The following SMG1 variants were observed in gnomAD, a reference collection of about 807,000 sequenced individuals.
SMG1 encodes the protein SMG1 nonsense mediated mRNA decay associated PI3K related kinase.
In SMG1, 22 loss-of-function variants were observed where a neutral mutation model predicts 419.9. That is an observed-to-expected ratio of 0.05 (90% CI 0.04 to 0.07). The LOEUF (loss-of-function observed/expected upper bound fraction) is 0.07. SMG1 is among the 10% of genes least tolerant of loss of function. SMG1 has a pLI of 1.00. For synonymous variants in SMG1, 1,538 were observed against 1,553.5 expected, an observed-to-expected ratio of 0.99 and a Z score of 0.23; for missense variants, 3,185 against 4,342.0, an observed-to-expected ratio of 0.73 and a Z score of 7.49.
chr16:18,887,729 C>A (rs1339813945), intron 6 of SMG1, among the ~76,000 whole-genome samples: 13 of 49,582 alleles, frequency 2.6e-4, no homozygotes, highest in Admixed American at 5.3e-4. Context: ...ATTTTTTAAA[C>A]TACATACCCA....
At chr16:18,910,234 T>G (rs2037739668) in intron 1 of SMG1, among the ~76,000 whole-genome samples, 1 of 143,172 alleles carries the variant, frequency 7.0e-6, no homozygotes, top group African/African-American at 2.7e-5. Flanking sequence ...GCCCAGCTAT[T>G]TTTTTTTTTT....
In SMG1 at chr16:18,868,393, A is replaced by G. The variant is rs1257304042; in HGVS notation, c.3031-39T>C. ...GAAAGAAAAGCTCAGGACTGGTTCA[A>G]TTTGTAGGTAAGGATGTCTCACCTA... On this transcript the variant is annotated intron_variant, in intron 21 of 62. Coordinates refer to ENST00000446231, the MANE Select transcript of SMG1 (RefSeq NM_015092.5). 6 of 1,200,448 alleles carry G rather than the reference A, an allele frequency of 5.0e-6. No homozygotes were observed. In the Admixed American group the frequency reaches 1.0e-4, roughly 20 times the overall value. 74.4% of individuals were successfully genotyped at this position (1,200,448 alleles called of 1,614,324 possible). A position where few individuals can be genotyped will look rare whatever the true frequency, so the allele number is the denominator to read the frequency against.
intron 1 of SMG1, among the ~76,000 whole-genome samples, chr16:18,900,923 A>C (rs1251842306): frequency 6.6e-6 from 1 of 152,180 alleles, no homozygotes; most frequent in Non-Finnish European, 1.5e-5. Context: ...AATAAGAGAA[A>C]GGGTGAAACT....
intron 1 of SMG1, among the ~76,000 whole-genome samples, chr16:18,899,610 A>ATCAT (rs1479792262): frequency 3.3e-5 from 5 of 152,198 alleles, no homozygotes; most frequent in Non-Finnish European, 7.4e-5. Flanking sequence ...CACCAACAAG[A>ATCAT]TCATCCCAGT....
At chr16:18,906,120 C>T (rs1423939911) in intron 1 of SMG1, among the ~76,000 whole-genome samples, 2 of 152,024 alleles carry the variant, frequency 1.3e-5, no homozygotes, top group East Asian at 1.9e-4. Flanking sequence ...CAGACATTCC[C>T]ATTCTCTTCA....
At chr16:18,832,303 A>C (rs900743599) in intron 51 of SMG1, among the ~76,000 whole-genome samples, 1 of 152,250 alleles carries the variant, frequency 6.6e-6, no homozygotes, top group South Asian at 2.1e-4. Flanking sequence ...GGAACTGCCC[A>C]AACTCTACAG....
chr16:18,886,424 C>T (rs1212547806), intron 6 of SMG1, among the ~76,000 whole-genome samples: 2 of 152,090 alleles, frequency 1.3e-5, no homozygotes, highest in Non-Finnish European at 2.9e-5. Context: ...ATTTATTTTG[C>T]AGCTGTTAGA....
chr16:18,890,227 G>A (rs143627796), intron 5 of SMG1, among the ~76,000 whole-genome samples: 3 of 152,268 alleles, frequency 2.0e-5, no homozygotes, highest in Admixed American at 6.5e-5. Flanking sequence ...TCTCCAAGCA[G>A]TTTCAAATTC....
intron 10 of SMG1, among the ~76,000 whole-genome samples, chr16:18,880,661 G>A (rs1200016199): frequency 7.4e-6 from 1 of 134,902 alleles, no homozygotes; most frequent in Non-Finnish European, 1.5e-5. Context: ...GCTGCAGTGA[G>A]CCAAGATCGT....
In SMG1 at chr16:18,846,182, T is replaced by C. The variant is rs575738475; in HGVS notation, c.5997-531A>G. Among the ~76,000 whole-genome samples the C allele has an allele frequency of 5.9e-5, 9 of 152,250 alleles. No homozygotes were observed. In the East Asian group the frequency reaches 1.7e-3, roughly 29 times the overall value. ...CAGCTCCTCTTTTCAATGAACTAAATGATACAAGGAAAATGTGATATCAAC... is the reference window on the plus strand; with the variant it reads ...CAGCTCCTCTTTTCAATGAACTAAACGATACAAGGAAAATGTGATATCAAC... On this transcript the variant is annotated intron_variant, in intron 38 of 62. Transcript: ENST00000446231.
At position 18,834,206 on chromosome 16, in the gene SMG1, G is replaced by C. The variant is rs1486109778; in HGVS notation, c.8563C>G (p.Gln2855Glu). The change falls in exon 50 of 63, where the codon CAG (glutamine) becomes GAG (glutamate). Residue 2855 changes from glutamine to glutamate, a missense_variant and splice_region_variant. Gln to Glu is a conservative substitution (Grantham distance 29). This residue lies in a region of SMG1 where 412 missense variants were observed against 546.6 expected (regional missense o/e 0.75). Transcript: ENST00000446231. ...ATATTTAAAATAAAAGTGTTCACCT[G>C]AAGTGAGGTATACACTCCATTGGCT... ...HLANGVYTSLQELNSNFRQII... is the reference protein window; with the variant it reads ...HLANGVYTSLEELNSNFRQII... 6.3e-7 allele frequency: 1 copy of C among 1,577,326 alleles called. No individual in the cohort carries two copies. The highest frequency in any genetic ancestry group is 1.8e-5 in the Admixed American group (1 of 55,676).
At chr16:18,869,324 T>C (rs774338224) in intron 19 of SMG1, 21 bp from the exon 20 acceptor site, 3 of 1,586,932 alleles carry the variant, frequency 1.9e-6, no homozygotes, top group Non-Finnish European at 1.7e-6. Context: ...CAGTTTCATA[T>C]TTAAAAGACA....
chr16:18,915,159 G>A (rs1221115345), intron 1 of SMG1, among the ~76,000 whole-genome samples: 2 of 151,938 alleles, frequency 1.3e-5, no homozygotes, highest in East Asian at 1.9e-4. Context: ...TTTTTTAGTC[G>A]AGATGGGGTT....
At chr16:18,859,758 G>C (rs2035114728) in intron 26 of SMG1, 55 bp from the exon 27 acceptor site, 1 of 1,451,350 alleles carries the variant, frequency 6.9e-7, no homozygotes, top group Non-Finnish European at 9.3e-7. Flanking sequence ...TATAAATTTT[G>C]ATTTATGTTT....
At chr16:18,901,976 A>G (rs1286117747) in intron 1 of SMG1, among the ~76,000 whole-genome samples, 22 of 127,350 alleles carry the variant, frequency 1.7e-4, no homozygotes, top group East Asian at 2.6e-4. Flanking sequence ...CGGTGGGGGG[A>G]AGGTGTCCTT....
chr16:18,814,877 CTTTT>C (rs10582593), intron 60 of SMG1, among the ~76,000 whole-genome samples: 1,324 of 123,948 alleles, frequency 0.011, 6 homozygotes, highest in African/African-American at 0.019. Flanking sequence ...CTCGCCCGGC[CTTTT>C]TTTTTTTTTT....
intron 11 of SMG1, chr16:18,878,655 A>G (rs1326727137): frequency 6.6e-6 from 1 of 152,380 alleles, no homozygotes; most frequent in Non-Finnish European, 1.5e-5. Context: ...AATCTGGTGC[A>G]TAGAGCAATG....
chr16:18,925,182 A>C (rs566485187), intron 1 of SMG1: 29 of 152,366 alleles, frequency 1.9e-4, no homozygotes, highest in African/African-American at 6.7e-4. Context: ...TTTATTTAAA[A>C]AGTTAATGTT....
intron 6 of SMG1, among the ~76,000 whole-genome samples, chr16:18,888,443 A>G (rs1003244574): frequency 2.7e-5 from 4 of 150,282 alleles, no homozygotes; most frequent in African/African-American, 4.9e-5. Context: ...GCAATCTCAA[A>G]AAAACATTTC....
Sources: gnomAD v4.1 joint callset for allele counts (sites outside exome capture counted in the v4.1 genomes callset) on GRCh38, gnomAD v4.1.1 for gene constraint, gnomAD v4.1.1 regional missense constraint, MANE v1.5 for transcripts, NCBI Gene and HGNC (gene_info 2026-07-23, HGNC 2026-07-21) for gene names.